GARNL3: variants seen among roughly 807,000 people sequenced by gnomAD.
GARNL3 encodes GTPase activating Rap/RanGAP domain like 3.
Under a neutral mutation model 125.0 loss-of-function variants are expected in GARNL3, and 63 were observed. The observed-to-expected ratio is 0.50, with a 90% CI of 0.41 to 0.62. The LOEUF (loss-of-function observed/expected upper bound fraction) is 0.62. GARNL3 is among the 20% of genes least tolerant of loss of function. GARNL3 has a pLI of 0.00. For synonymous variants in GARNL3, 439 were observed against 457.5 expected (o/e 0.96, Z 0.52); for missense variants, 994 against 1,244.0 (o/e 0.80, Z 3.02).
intron 1 of GARNL3, among the ~76,000 whole-genome samples, chr9:127,271,519 C>G (rs913785132): frequency 6.6e-6 from 1 of 150,406 alleles, no homozygotes; most frequent in African/African-American, 2.5e-5. Context: ...AAAGCATATG[C>G]CATTTTTCTT....
intron 2 of GARNL3, chr9:127,243,272 A>G (rs2063235290): frequency 7.3e-7 from 1 of 1,365,490 alleles, no homozygotes; most frequent in Non-Finnish European, 9.8e-7. Context: ...AAGAAGCATC[A>G]TCTCAGTTTG....
At chr9:127,376,411 G>A (rs1328714002) in intron 22 of GARNL3, among the ~76,000 whole-genome samples, 1 of 151,518 alleles carries the variant, frequency 6.6e-6, no homozygotes, top group Non-Finnish European at 1.5e-5. Context: ...GTGGAGACGG[G>A]GTTTCACCGT....
intron 6 of GARNL3, among the ~76,000 whole-genome samples, chr9:127,322,491 C>A (rs562570914): frequency 6.6e-6 from 1 of 152,098 alleles, no homozygotes; most frequent in Non-Finnish European, 1.5e-5. Context: ...TACTTTTATG[C>A]TTTCCTACAT....
chr9:127,283,590 A>C (rs1270290473), intron 1 of GARNL3, among the ~76,000 whole-genome samples: 1 of 152,204 alleles, frequency 6.6e-6, no homozygotes, highest in Non-Finnish European at 1.5e-5. Context: ...AGATTGCTTG[A>C]GCCCAGGAGG....
In GARNL3 at chr9:127,248,770, G is replaced by C. The variant is rs2063349027; in HGVS notation, c.143+5521G>C. Among the ~76,000 whole-genome samples, 4 of 151,452 alleles carry C rather than the reference G, an allele frequency of 2.6e-5. No homozygotes were observed. The South Asian group carries it at 8.4e-4, about 32-fold the overall frequency. On this transcript the variant is annotated intron_variant, in intron 2 of 10. Coordinates refer to the GARNL3 transcript ENST00000439286. Reference sequence around the variant, plus strand: ...CCACAGGTGTGCGCCACCATGCCCAGTTAATGTTTTTGTATTTTTGGTAGA... The same window carrying C: ...CCACAGGTGTGCGCCACCATGCCCACTTAATGTTTTTGTATTTTTGGTAGA...
At chr9:127,345,956 T>C (rs561480840) in intron 16 of GARNL3, among the ~76,000 whole-genome samples, 2 of 152,330 alleles carry the variant, frequency 1.3e-5, no homozygotes, top group South Asian at 4.1e-4. Context: ...GAGTTTCTGA[T>C]TGAACAGGTC....
intron 2 of GARNL3, among the ~76,000 whole-genome samples, chr9:127,245,575 T>C (rs932480921): frequency 6.6e-6 from 1 of 152,168 alleles, no homozygotes; most frequent in Admixed American, 6.5e-5. Flanking sequence ...TGAAACCAAA[T>C]TGCAAGGCAG....
chr9:127,380,828 A>G (rs1832213016), intron 22 of GARNL3, among the ~76,000 whole-genome samples: 1 of 152,226 alleles, frequency 6.6e-6, no homozygotes, highest in South Asian at 2.1e-4. Context: ...CTAAAATTAG[A>G]TCATGATGAT....
At chr9:127,314,075 A>G (rs1261896167) in intron 4 of GARNL3, among the ~76,000 whole-genome samples, 1 of 152,162 alleles carries the variant, frequency 6.6e-6, no homozygotes, top group Non-Finnish European at 1.5e-5. Flanking sequence ...GGGTCATTGG[A>G]AAGCATTTGC....
intron 6 of GARNL3, among the ~76,000 whole-genome samples, chr9:127,324,868 A>G (rs2065517422): frequency 6.6e-6 from 1 of 152,358 alleles, no homozygotes; most frequent in African/African-American, 2.4e-5. Flanking sequence ...ATGGTCTTAT[A>G]GGGGAAAAAG....
intron 20 of GARNL3, chr9:127,356,554 C>T (rs906591406): frequency 6.6e-6 from 1 of 152,230 alleles, no homozygotes; most frequent in Non-Finnish European, 1.5e-5. Context: ...CTATCAATTT[C>T]TGCTAATGTT....
At chr9:127,298,281 C>T (rs1249270748) in intron 2 of GARNL3, among the ~76,000 whole-genome samples, 1 of 152,110 alleles carries the variant, frequency 6.6e-6, no homozygotes, top group Non-Finnish European at 1.5e-5. Flanking sequence ...TGGGTTCAAG[C>T]GAGTCTCCTG....
chr9:127,340,513 C>A (rs1045284781), intron 13 of GARNL3, among the ~76,000 whole-genome samples: 4 of 151,938 alleles, frequency 2.6e-5, no homozygotes, highest in African/African-American at 9.7e-5. Flanking sequence ...TGCTTTCCAG[C>A]CTCCTGCCAG....
rs549163920 is a variant in GARNL3 at position 127,367,248 on chromosome 9, A to G, written c.2161+1882A>G. On this transcript the variant is annotated intron_variant, in intron 22 of 27. Coordinates refer to ENST00000373387, the MANE Select transcript of GARNL3 (RefSeq NM_032293.5). Reference sequence around the variant, plus strand: ...CACGTGGAATTTGCCTGTTTAGTCTATGTTCTTGACTTGATCACAGACGCC... The same window carrying G: ...CACGTGGAATTTGCCTGTTTAGTCTGTGTTCTTGACTTGATCACAGACGCC... The G allele has an allele frequency of 3.9e-5, 6 of 152,322 alleles. No homozygotes were observed. In the East Asian group the frequency reaches 7.7e-4, roughly 20 times the overall value. 9.4% of individuals were successfully genotyped at this position (152,322 alleles called of 1,614,324 possible).
intron 2 of GARNL3, among the ~76,000 whole-genome samples, chr9:127,296,683 C>A (rs1386912570): frequency 6.6e-6 from 1 of 151,920 alleles, no homozygotes; most frequent in African/African-American, 2.4e-5. Context: ...GTTGGCCAGG[C>A]TGGTCTCGAA....
chr9:127,327,196 A>C (rs2065601102), intron 7 of GARNL3, among the ~76,000 whole-genome samples: 1 of 152,216 alleles, frequency 6.6e-6, no homozygotes, highest in Admixed American at 6.5e-5. Flanking sequence ...TGTACCATGT[A>C]CTGTTTGAGG....
intron 1 of GARNL3, among the ~76,000 whole-genome samples, chr9:127,275,718 G>A (rs2063937756): frequency 6.6e-6 from 1 of 152,178 alleles, no homozygotes; most frequent in South Asian, 2.1e-4. Flanking sequence ...CTGGCTCATG[G>A]TGTCACACTG....
chr9:127,257,247 G>C (rs2063509899), intron 2 of GARNL3, among the ~76,000 whole-genome samples: 1 of 152,108 alleles, frequency 6.6e-6, no homozygotes, highest in South Asian at 2.1e-4. Flanking sequence ...TTTTGTGCAG[G>C]GTGTTGACCA....
intron 2 of GARNL3, among the ~76,000 whole-genome samples, chr9:127,306,193 A>G (rs2064948103): frequency 6.8e-6 from 1 of 147,994 alleles, no homozygotes; most frequent in African/African-American, 2.4e-5. Flanking sequence ...ATGAAATTAA[A>G]TACTAGGATT....
Sources: gnomAD v4.1 joint callset for allele counts (sites outside exome capture counted in the v4.1 genomes callset) on GRCh38, gnomAD v4.1.1 for gene constraint, MANE v1.5 for transcripts, NCBI Gene and HGNC (gene_info 2026-07-23, HGNC 2026-07-21) for gene names.